Variants in DLST observed in about 807,000 individuals in gnomAD.
The protein encoded by DLST is dihydrolipoyllysine-residue succinyltransferase component of 2-oxoglutarate dehydrogenase complex, mitochondrial.
In DLST, 17 loss-of-function variants were observed where a neutral mutation model predicts 53.1. The observed-to-expected ratio is 0.32, with a 90% CI of 0.22 to 0.48. The LOEUF is 0.48. Ranked by LOEUF, DLST falls within the 20% of genes least tolerant of loss-of-function variation. DLST has a pLI of 0.99. For missense variants in DLST, 512 were observed against 583.9 expected (o/e 0.88, Z 1.27); for synonymous variants, 206 against 204.8 (o/e 1.01, Z -0.05).
In DLST at chr14:74,894,453, A is replaced by G. The variant is rs1273980222; in HGVS notation, c.770+44A>G. ...CTTATCCCCTAGGCCCCTTTTTCTTAGAGAACACGAACTTGCCCCACTCCT... is the reference window on the plus strand; with the variant it reads ...CTTATCCCCTAGGCCCCTTTTTCTTGGAGAACACGAACTTGCCCCACTCCT... On this transcript the variant is annotated intron_variant, in intron 10 of 14. Coordinates refer to ENST00000334220, the MANE Select transcript of DLST (RefSeq NM_001933.5). 1.9e-6 allele frequency: 3 copies of G among 1,596,096 alleles called. No homozygotes were observed. The East Asian group carries it at 6.8e-5, about 36-fold the overall frequency.
At chr14:74,882,406 T>C (rs1359779855) in intron 1 of DLST, among the ~76,000 whole-genome samples, 185 bp from the exon 2 acceptor site, 35 of 152,088 alleles carry the variant, frequency 2.3e-4, no homozygotes, top group Admixed American at 2.0e-3. Context: ...CGTTGGGAAG[T>C]TGAGATAGTT....
At position 74,902,467 on chromosome 14, in the gene DLST, G is replaced by C. The variant is rs3207446; in HGVS notation, c.*137G>C. ...GCCTCAAGCAAGGAAGCAGAGCACT[G>C]TGTAACCAGCAGTCACAGGTCTTTT... On this transcript the variant is annotated 3_prime_UTR_variant, in exon 15 of 15. Transcript: ENST00000334220. The C allele has an allele frequency of 2.8e-6, 3 of 1,089,064 alleles. No individual in the cohort carries two copies. The highest frequency in any genetic ancestry group is 2.5e-6 in the Non-Finnish European group (2 of 792,540). The allele number at this position is 1,089,064 out of a possible 1,614,324, so 67.5% of individuals were successfully genotyped here.
At chr14:74,890,534 C>G (rs1040752791) in intron 6 of DLST, among the ~76,000 whole-genome samples, 1 of 152,128 alleles carries the variant, frequency 6.6e-6, no homozygotes, top group Non-Finnish European at 1.5e-5. Context: ...CCACTTTTTC[C>G]TGTATCACTT....
chr14:74,889,428 G>A (rs905582058), intron 5 of DLST, 79 bp downstream of exon 5: 23 of 1,214,104 alleles, frequency 1.9e-5, no homozygotes, highest in Non-Finnish European at 2.7e-5. Context: ...GAGTGCAGTG[G>A]TATGATCTCG....
At chr14:74,884,689 C>G (rs1566788478) in intron 2 of DLST, among the ~76,000 whole-genome samples, 4 of 152,204 alleles carry the variant, frequency 2.6e-5, no homozygotes, top group Admixed American at 2.0e-4. Flanking sequence ...AGTTCAAAAA[C>G]ATACTATGCT....
chr14:74,901,812 A>T (rs1208525805), intron 14 of DLST, among the ~76,000 whole-genome samples: 1 of 151,680 alleles, frequency 6.6e-6, no homozygotes, highest in South Asian at 2.1e-4. Flanking sequence ...CCAGCTACAC[A>T]TACAATTCCA....
intron 11 of DLST, 62 bp from the exon 12 acceptor site, chr14:74,899,861 T>A: frequency 1.5e-6 from 2 of 1,325,576 alleles, no homozygotes; most frequent in Non-Finnish European, 2.1e-6. Flanking sequence ...AATGCACATA[T>A]TACCTCATTA....
At chr14:74,889,019 A>G in intron 3 of DLST, 76 bp from the exon 4 acceptor site, 1 of 1,458,400 alleles carries the variant, frequency 6.9e-7, no homozygotes, top group South Asian at 1.1e-5. Flanking sequence ...GGGGAAGGTG[A>G]CCCATGGGGC....
At chr14:74,894,836 C>G (rs113052558) in intron 10 of DLST, among the ~76,000 whole-genome samples, 16 of 152,166 alleles carry the variant, frequency 1.1e-4, no homozygotes, top group African/African-American at 3.6e-4. Context: ...CGTGAGCCAC[C>G]GCGCCTGGCC....
chr14:74,892,931 A>G lies in DLST; in HGVS notation c.540A>G (p.Ile180Met). 6.2e-7 allele frequency: 1 copy of G among 1,614,028 alleles called. No individual in the cohort carries two copies. The highest frequency in any genetic ancestry group is 8.5e-7 in the Non-Finnish European group (1 of 1,180,000). The change falls in exon 8 of 15, where the codon ATA becomes ATG. Residue 180 changes from isoleucine to methionine, a missense_variant. Around this residue, in one of 4 missense-constraint regions of DLST, gnomAD observed 162 missense variants for 162.0 expected, o/e 1.00. Coordinates refer to ENST00000334220, the MANE Select transcript of DLST (RefSeq NM_001933.5). ...CAGTTCCTCCCCCTGCAGCACCCAT[A>G]CCCACTCAGATGCCACCGGTGCCCT... ...AAAVPPPAAP[I>M]PTQMPPVPSP...
At chr14:74,891,524 T>A (rs1883907657) in intron 7 of DLST, 1 of 997,314 alleles carries the variant, frequency 1.0e-6, no homozygotes, top group Non-Finnish European at 1.2e-6. Context: ...GCTTCAAAAC[T>A]TTTTGAGCAC....
intron 10 of DLST, among the ~76,000 whole-genome samples, chr14:74,895,884 A>C (rs556070065): frequency 6.6e-6 from 1 of 152,108 alleles, no homozygotes; most frequent in Non-Finnish European, 1.5e-5. Flanking sequence ...CAACAGAGCG[A>C]GATTGTGTCT....
intron 10 of DLST, among the ~76,000 whole-genome samples, chr14:74,897,309 A>C (rs989738821): frequency 2.0e-5 from 3 of 152,254 alleles, no homozygotes; most frequent in African/African-American, 7.2e-5. Flanking sequence ...CTTACCTTTC[A>C]TGCTAATGTC....
At chr14:74,891,686 GAGATTAATA>G (rs1222532584) in intron 7 of DLST, 5 of 984,088 alleles carry the variant, frequency 5.1e-6, no homozygotes, top group African/African-American at 3.5e-5. Flanking sequence ...GATAGGATTA[GAGATTAATA>G]ACTTTATCTG....
At chr14:74,882,046 G>A (rs1311546140) in intron 1 of DLST, 30 bp downstream of exon 1, 3 of 1,514,362 alleles carry the variant, frequency 2.0e-6, no homozygotes, top group Non-Finnish European at 2.6e-6. Context: ...GGGCCCCGAC[G>A]GGTGAGGAGT....
At chr14:74,901,009 CT>C in intron 13 of DLST, 56 bp from the exon 14 acceptor site, 1 of 1,585,286 alleles carries the variant, frequency 6.3e-7, no homozygotes, top group Non-Finnish European at 8.6e-7. Context: ...TATGGACTGA[CT>C]TTAGGTGAAG....
chr14:74,893,806 T>C (rs1351168134), intron 9 of DLST, among the ~76,000 whole-genome samples: 8 of 152,168 alleles, frequency 5.3e-5, no homozygotes, highest in Admixed American at 5.2e-4. Context: ...TAAGGGATAA[T>C]ACTCAGTAGC....
Position 74,894,303 on chromosome 14 carries a change from T to TA in DLST, c.673-8dup. 1 of 1,613,858 alleles carries TA rather than the reference T, an allele frequency of 6.2e-7. No individual in the cohort carries two copies. The stretch of plus-strand genomic sequence containing the variant: ...AGATTGTCAATGCTTGTTCCACTCT[T>TA]ACTTTCAGGAGAAAATGAACAGGAT... On this transcript the variant is annotated splice_polypyrimidine_tract_variant and intron_variant, in intron 9 of 14. Coordinates refer to ENST00000334220, the MANE Select transcript of DLST (RefSeq NM_001933.5).
Position 74,884,684 on chromosome 14 carries a change from A to G in DLST, c.98-902A>G, listed in dbSNP as rs111477155. On this transcript the variant is annotated intron_variant, in intron 2 of 14. Transcript: ENST00000334220. Reference sequence around the variant, plus strand: ...TGTGAGCCGCCATCTATTCTAGTTCAAAAACATACTATGCTTAGAATTTGC... The same window carrying G: ...TGTGAGCCGCCATCTATTCTAGTTCGAAAACATACTATGCTTAGAATTTGC... 4.0e-3 allele frequency among the ~76,000 whole-genome samples: 607 copies of G among 152,330 alleles called. 2 individuals are homozygous for G. The highest frequency in any genetic ancestry group is 6.8e-3 in the Middle Eastern group (2 of 294).
Sources: allele counts gnomAD v4.1 joint callset (sites outside exome capture counted in the v4.1 genomes callset), GRCh38; gene constraint gnomAD v4.1.1; regional missense constraint gnomAD v4.1.1; transcripts MANE v1.5; gene names NCBI Gene and HGNC (gene_info 2026-07-23, HGNC 2026-07-21).